The following AOX1 variants were observed in gnomAD, a reference collection of about 807,000 sequenced individuals.
AOX1 encodes the protein aldehyde oxidase.
Under a neutral mutation model 169.5 loss-of-function variants are expected in AOX1, and 153 were observed. The ratio of observed to expected loss-of-function variants is 0.90; its 90% CI spans 0.79 to 1.03. The LOEUF (loss-of-function observed/expected upper bound fraction) is 1.03, where lower values mean the gene tolerates loss of function less well. AOX1 is among the 50% of genes least tolerant of loss of function. The probability of loss-of-function intolerance (pLI) is 0.00; values close to 1 mark genes in which losing one functional copy is unlikely to be tolerated. For synonymous variants in AOX1, 562 were observed against 581.9 expected, an observed-to-expected ratio of 0.97 and a Z score of 0.49; for missense variants, 1,656 against 1,663.9, an observed-to-expected ratio of 1.00 and a Z score of 0.08.
intron 5 of AOX1, among the ~76,000 whole-genome samples, chr2:200,601,389 C>A (rs976531886): frequency 2.0e-5 from 3 of 152,060 alleles, no homozygotes; most frequent in Admixed American, 1.3e-4. Flanking sequence ...TACTGTATAG[C>A]ATAATGCTTA....
intron 25 of AOX1, among the ~76,000 whole-genome samples, chr2:200,647,303 A>G (rs2035475151): frequency 6.6e-6 from 1 of 152,282 alleles, no homozygotes; most frequent in African/African-American, 2.4e-5. Context: ...TTCTCTCAGC[A>G]TTTGTTTATC....
chr2:200,605,615 C>A lies in AOX1; in HGVS notation c.894C>A (p.Asn298Lys). Residue 298 changes from asparagine (N) to lysine (K), a missense_variant, in exon 10 of 35, where the codon AAC becomes AAA. Transcript: ENST00000374700. ...PDRIEELSVV[N>K]HAYNGLTLGA... ...GAATTGAAGAACTGAGTGTTGTAAA[C>A]CATGCATATAATGGTGAGTTCTCAA... is the stretch of plus-strand genomic sequence containing the variant. The A allele has an allele frequency of 6.5e-7, 1 of 1,535,948 alleles. No individual in the cohort carries two copies. The highest frequency in any genetic ancestry group is 8.8e-7 in the Non-Finnish European group (1 of 1,139,228).
chr2:200,677,635 T>C (rs1254159671), downstream of AOX1, among the ~76,000 whole-genome samples: 1 of 152,166 alleles, frequency 6.6e-6, no homozygotes, highest in Non-Finnish European at 1.5e-5. Flanking sequence ...TTTTAACATG[T>C]TGTCCTTTAT....
intron 20 of AOX1, among the ~76,000 whole-genome samples, chr2:200,629,081 T>G (rs991771013): frequency 6.6e-6 from 1 of 152,178 alleles, no homozygotes; most frequent in Non-Finnish European, 1.5e-5. Context: ...CAGCCCAGCT[T>G]CTTAAGTTCC....
rs1296251240 is a variant in AOX1 at position 200,604,628 on chromosome 2, A to G, written c.670-68A>G. On this transcript the variant is annotated intron_variant, in intron 8 of 34. Coordinates refer to ENST00000374700, the MANE Select transcript of AOX1 (RefSeq NM_001159.4). ...TTCTCATTCTGTATCTACAGTGCTA[A>G]TGATTGAGTGGAAACAGGTGGAGAT... 8.5e-6 allele frequency: 13 copies of G among 1,522,370 alleles called. No homozygotes were observed. The East Asian group carries it at 2.9e-4, about 34-fold the overall frequency. The allele number at this position is 1,522,370 out of a possible 1,614,324, so 94.3% of individuals were successfully genotyped here.
intron 1 of AOX1, among the ~76,000 whole-genome samples, chr2:200,588,745 T>TTTTTTTTTTTTTTTTTTTTTTTTA (rs2034100011): frequency 6.9e-6 from 1 of 145,276 alleles, no homozygotes; most frequent in Admixed American, 6.9e-5. Flanking sequence ...TTTTTTTTTT[T>TTTTTTTTTTTTTTTTTTTTTTTTA]TTGAGATCGA....
In AOX1 at chr2:200,627,406, A is replaced by G. The variant is rs2035028171; in HGVS notation, c.2178A>G (p.Gly726=). The change falls in exon 20 of 35, where the codon GGA becomes GGG. Residue 726 remains glycine, a synonymous_variant. Transcript: ENST00000374700. ...SFKPERKLEY[G]NVDEAFKVVD... ...AGCCAGAAAGGAAACTGGAATATGGAAATGTTGACGAAGCATTTAAAGTGG... is the reference window on the plus strand; with the variant it reads ...AGCCAGAAAGGAAACTGGAATATGGGAATGTTGACGAAGCATTTAAAGTGG... The G allele has an allele frequency of 6.2e-7, 1 of 1,613,840 alleles. No individual in the cohort carries two copies. The highest frequency in any genetic ancestry group is 1.1e-5 in the South Asian group (1 of 91,084).
At chr2:200,674,769 A>G (rs2036073763), downstream of AOX1, among the ~76,000 whole-genome samples, 1 of 152,092 alleles carries the variant, frequency 6.6e-6, no homozygotes. Context: ...TCAATTTGAC[A>G]CCATCCCTCC....
intron 4 of AOX1, chr2:200,676,865 C>G (rs2036107549): frequency 2.1e-6 from 1 of 468,096 alleles, no homozygotes; most frequent in African/African-American, 2.0e-5. Flanking sequence ...ATCCACTATT[C>G]ATCCTCTTCC....
At chr2:200,611,207 C>T (rs572392988) in intron 12 of AOX1, among the ~76,000 whole-genome samples, 177 bp from the exon 13 acceptor site, 1 of 152,308 alleles carries the variant, frequency 6.6e-6, no homozygotes, top group South Asian at 2.1e-4. Context: ...GGGGCCTAGA[C>T]TAGAAGAAAC....
intron 20 of AOX1, 76 bp from the exon 21 acceptor site, chr2:200,634,715 A>G: frequency 6.4e-7 from 1 of 1,568,290 alleles, no homozygotes; most frequent in Non-Finnish European, 8.7e-7. Context: ...ATTTCTGCAT[A>G]ACGGGATAAT....
intron 3 of AOX1, 133 bp downstream of exon 3, chr2:200,595,501 C>T: frequency 1.9e-6 from 1 of 536,578 alleles, no homozygotes; most frequent in Non-Finnish European, 3.3e-6. Flanking sequence ...CAATGATGAA[C>T]AAGACAGACA....
intron 24 of AOX1, among the ~76,000 whole-genome samples, chr2:200,641,619 G>A (rs575619776): frequency 5.9e-5 from 9 of 152,034 alleles, no homozygotes; most frequent in South Asian, 4.2e-4. Context: ...GCTGTAGTGC[G>A]GTGGCTCAAG....
At chr2:200,612,464 A>C in intron 13 of AOX1, 145 bp from the exon 14 acceptor site, 1 of 737,242 alleles carries the variant, frequency 1.4e-6, no homozygotes, top group South Asian at 1.8e-5. Context: ...GGTGATGCTC[A>C]ACACACACAC....
At chr2:200,622,300 G>T (rs756556364) in intron 18 of AOX1, among the ~76,000 whole-genome samples, 7 of 152,318 alleles carry the variant, frequency 4.6e-5, no homozygotes, top group Non-Finnish European at 7.4e-5. Context: ...TTCTCACATT[G>T]CAGGGTGAAT....
downstream of AOX1, among the ~76,000 whole-genome samples, chr2:200,674,540 C>G (rs2036070932): frequency 6.6e-6 from 1 of 152,214 alleles, no homozygotes; most frequent in African/African-American, 2.4e-5. Context: ...CAGCAGGAAG[C>G]TCCCACTGTG....
chr2:200,653,343 C>T (rs1353660297), intron 26 of AOX1, among the ~76,000 whole-genome samples: 1 of 152,162 alleles, frequency 6.6e-6, no homozygotes, highest in Non-Finnish European at 1.5e-5. Flanking sequence ...TGCTAAAAGC[C>T]TCCATTCTGA....
intron 16 of AOX1, among the ~76,000 whole-genome samples, chr2:200,617,481 C>CAAAAAAAAA (rs35035526): frequency 2.4e-4 from 14 of 58,192 alleles, no homozygotes; most frequent in Non-Finnish European, 3.1e-4. Context: ...CAACTAACTG[C>CAAAAAAAAA]AAAAAAAAAA....
chr2:200,616,628 C>G (rs1170325231), intron 16 of AOX1, among the ~76,000 whole-genome samples: 1 of 152,140 alleles, frequency 6.6e-6, no homozygotes, highest in African/African-American at 2.4e-5. Context: ...TTTTTGTGCT[C>G]TCGTAATGAA....
Sources: allele counts gnomAD v4.1 joint callset (sites outside exome capture counted in the v4.1 genomes callset), GRCh38; gene constraint gnomAD v4.1.1; transcripts MANE v1.5; gene names NCBI Gene and HGNC (gene_info 2026-07-23, HGNC 2026-07-21).